PRELID2: variants seen among roughly 807,000 people sequenced by gnomAD.
The protein encoded by PRELID2 is PRELI domain containing 2.
PRELID2 carries 25 observed loss-of-function variants against 28.4 expected under a neutral mutation model. The observed-to-expected ratio is 0.88, with a 90% confidence interval of 0.64 to 1.23. The LOEUF is 1.23. Ranked by LOEUF, PRELID2 falls within the 50% of genes most tolerant of loss-of-function variation. The probability of loss-of-function intolerance (pLI) is 0.00; values close to 1 mark genes in which losing one functional copy is unlikely to be tolerated. For missense variants in PRELID2, 201 were observed against 214.4 expected (o/e 0.94, Z 0.39); for synonymous variants, 76 against 71.6 (o/e 1.06, Z -0.31).
At chr5:145,538,303 T>C (rs539287012) in intron 1 of PRELID2, among the ~76,000 whole-genome samples, 10 of 152,048 alleles carry the variant, frequency 6.6e-5, no homozygotes, top group African/African-American at 2.4e-4. Flanking sequence ...TTGTTCTTTT[T>C]GCCCAGGATT....
chr5:145,356,265 G>A, the PRELID2 span, among the ~76,000 whole-genome samples: 2 of 152,092 alleles, frequency 1.3e-5, no homozygotes, highest in Non-Finnish European at 1.5e-5. Flanking sequence ...ACTTAAGGCT[G>A]ACTTGTGACA....
chr5:145,448,192 T>C, the PRELID2 span, among the ~76,000 whole-genome samples: 1 of 151,874 alleles, frequency 6.6e-6, no homozygotes, highest in Admixed American at 6.6e-5. Flanking sequence ...TATCTCATTG[T>C]GGTTTTGATT....
chr5:145,541,409 G>A (rs1465646578), intron 1 of PRELID2, among the ~76,000 whole-genome samples: 1 of 152,030 alleles, frequency 6.6e-6, no homozygotes, highest in African/African-American at 2.4e-5. Context: ...GGCGCTCATA[G>A]TTAAATCACC....
chr5:145,596,276 T>C (rs751390213), intron 1 of PRELID2, among the ~76,000 whole-genome samples: 2 of 152,074 alleles, frequency 1.3e-5, no homozygotes, highest in Non-Finnish European at 2.9e-5. Context: ...TCCTCTCCAA[T>C]TAAGTTTATC....
intron 1 of PRELID2, among the ~76,000 whole-genome samples, chr5:145,536,636 C>T (rs1752701352): frequency 1.3e-5 from 2 of 151,978 alleles, no homozygotes; most frequent in Admixed American, 1.3e-4. Flanking sequence ...GTCCCTCCCT[C>T]GGAGTCCATA....
the PRELID2 span, among the ~76,000 whole-genome samples, chr5:145,387,747 C>T: frequency 1.3e-5 from 2 of 152,078 alleles, no homozygotes; most frequent in African/African-American, 2.4e-5. Flanking sequence ...ACCTGAGCAA[C>T]ATAAGGAGAC....
At chr5:145,448,641 A>G in the PRELID2 span, among the ~76,000 whole-genome samples, 1 of 152,274 alleles carries the variant, frequency 6.6e-6, no homozygotes, top group Admixed American at 6.5e-5. Context: ...TAACTATCTT[A>G]TTGTTAAGAG....
chr5:145,686,570 C>T (rs1274340815), intron 1 of PRELID2, among the ~76,000 whole-genome samples: 1 of 152,096 alleles, frequency 6.6e-6, no homozygotes, highest in East Asian at 1.9e-4. Context: ...AAGGCAGAGT[C>T]CATTTAGGGT....
the PRELID2 span, among the ~76,000 whole-genome samples, chr5:145,343,773 T>C: frequency 4.6e-5 from 7 of 151,360 alleles, no homozygotes; most frequent in Non-Finnish European, 1.0e-4. Flanking sequence ...ACTATGTAGA[T>C]GAACCAAGAA....
chr5:145,769,447 A>G (rs1171844564), intron 5 of PRELID2, among the ~76,000 whole-genome samples: 1 of 152,240 alleles, frequency 6.6e-6, no homozygotes, highest in East Asian at 1.9e-4. Flanking sequence ...ACTTGTCTTA[A>G]GAGGAGCAGG....
At chr5:145,375,424 C>T in the PRELID2 span, among the ~76,000 whole-genome samples, 1 of 152,156 alleles carries the variant, frequency 6.6e-6, no homozygotes, top group African/African-American at 2.4e-5. Context: ...GGGTGTCTGA[C>T]AATCCTTGTT....
At chr5:145,334,703 G>A in the PRELID2 span, among the ~76,000 whole-genome samples, 1 of 151,486 alleles carries the variant, frequency 6.6e-6, no homozygotes, top group African/African-American at 2.4e-5. Context: ...ATTTCTTTTA[G>A]AGACAATCTT....
At chr5:145,654,435 G>C (rs1236012708) in intron 1 of PRELID2, among the ~76,000 whole-genome samples, 1 of 152,058 alleles carries the variant, frequency 6.6e-6, no homozygotes, top group Non-Finnish European at 1.5e-5. Context: ...ACCTGACAGA[G>C]ACACAACAAA....
intron 1 of PRELID2, among the ~76,000 whole-genome samples, chr5:145,545,214 A>C (rs1294560356): frequency 3.9e-5 from 6 of 152,114 alleles, no homozygotes; most frequent in African/African-American, 7.2e-5. Flanking sequence ...TTGGAGGTAG[A>C]GGTCAGTGCA....
At chr5:145,726,920 C>T (rs569829021) in intron 1 of PRELID2, among the ~76,000 whole-genome samples, 48 of 152,234 alleles carry the variant, frequency 3.2e-4, no homozygotes, top group African/African-American at 1.1e-3. Flanking sequence ...ATTGTGGTAG[C>T]GTGATCAGAC....
the PRELID2 span, among the ~76,000 whole-genome samples, chr5:145,368,882 G>C: frequency 6.6e-6 from 1 of 151,506 alleles, no homozygotes; most frequent in African/African-American, 2.4e-5. Flanking sequence ...GTGTTACGGA[G>C]GGGTTGTTAC....
chr5:145,714,145 T>C (rs892772143), intron 1 of PRELID2, among the ~76,000 whole-genome samples: 23 of 152,090 alleles, frequency 1.5e-4, no homozygotes, highest in Non-Finnish European at 2.6e-4. Flanking sequence ...CAAGATGTCC[T>C]CAGGAAGAGA....
At chr5:145,374,063 G>T in the PRELID2 span, among the ~76,000 whole-genome samples, 1 of 150,960 alleles carries the variant, frequency 6.6e-6, no homozygotes, top group African/African-American at 2.4e-5. Flanking sequence ...AGTTGATGCA[G>T]TTTCTTCATA....
chr5:145,640,039 T>G (rs953783325), intron 1 of PRELID2, among the ~76,000 whole-genome samples: 1 of 152,112 alleles, frequency 6.6e-6, no homozygotes, highest in Non-Finnish European at 1.5e-5. Flanking sequence ...TATATTCACA[T>G]TGGTGGGGTT....
Sources: allele counts gnomAD v4.1 joint callset (sites outside exome capture counted in the v4.1 genomes callset), GRCh38; gene constraint gnomAD v4.1.1; transcripts MANE v1.5; gene names NCBI Gene and HGNC (gene_info 2026-07-23, HGNC 2026-07-21).